Variants in MED26 observed in about 807,000 individuals in gnomAD.
The protein encoded by MED26 is mediator complex subunit 26.
In MED26, 7 loss-of-function variants were observed where a neutral mutation model predicts 43.7. The ratio of observed to expected loss-of-function variants is 0.16; its 90% CI spans 0.09 to 0.30. The LOEUF is 0.30. MED26 is among the 10% of genes least tolerant of loss of function. The pLI is 1.00. For synonymous variants in MED26, 375 were observed against 371.1 expected (o/e 1.01, Z -0.12); for missense variants, 784 against 840.6 (o/e 0.93, Z 0.83).
At chr19:16,599,623 T>G (rs971689127) in intron 1 of MED26, among the ~76,000 whole-genome samples, 2 of 152,158 alleles carry the variant, frequency 1.3e-5, no homozygotes, top group Non-Finnish European at 2.9e-5. Flanking sequence ...ATTCCGGCCC[T>G]CTGACTCCTG....
intron 1 of MED26, among the ~76,000 whole-genome samples, chr19:16,609,148 C>T (rs988934354): frequency 2.0e-5 from 3 of 151,740 alleles, no homozygotes; most frequent in Non-Finnish European, 4.4e-5. Flanking sequence ...AACCCTGTCT[C>T]TACTAAAAAT....
intron 1 of MED26, among the ~76,000 whole-genome samples, chr19:16,597,791 C>T (rs1051107924): frequency 1.3e-5 from 2 of 152,168 alleles, no homozygotes; most frequent in South Asian, 2.1e-4. Context: ...CATGTGATCT[C>T]AGCTCACCGC....
chr19:16,613,117 C>T (rs2086207268), intron 1 of MED26, among the ~76,000 whole-genome samples: 1 of 152,102 alleles, frequency 6.6e-6, no homozygotes, highest in African/African-American at 2.4e-5. Flanking sequence ...GTATTAATAG[C>T]ACTGATAAAT....
At chr19:16,622,182 A>C (rs2086254708) in intron 1 of MED26, among the ~76,000 whole-genome samples, 3 of 152,240 alleles carry the variant, frequency 2.0e-5, no homozygotes, top group Admixed American at 1.3e-4. Context: ...CTGTTTTCAA[A>C]TAAGGCACGG....
At chr19:16,581,010 T>G (rs1407612139) in intron 1 of MED26, among the ~76,000 whole-genome samples, 1 of 152,198 alleles carries the variant, frequency 6.6e-6, no homozygotes, top group African/African-American at 2.4e-5. Flanking sequence ...TTAATTCTGC[T>G]GGCCTCATGG....
intron 1 of MED26, among the ~76,000 whole-genome samples, chr19:16,620,955 A>G (rs1436095383): frequency 2.6e-5 from 4 of 152,240 alleles, no homozygotes; most frequent in Non-Finnish European, 5.9e-5. Context: ...GATAAAAATG[A>G]ACCCTCATAC....
chr19:16,589,587 G>A (rs1239605803), intron 1 of MED26, among the ~76,000 whole-genome samples: 2 of 152,158 alleles, frequency 1.3e-5, no homozygotes, highest in African/African-American at 4.8e-5. Flanking sequence ...GATGGTGAGA[G>A]CAGTCAGGGT....
intron 1 of MED26, 87 bp downstream of exon 1, chr19:16,627,785 C>T (rs1277143916): frequency 9.9e-7 from 1 of 1,008,610 alleles, no homozygotes; most frequent in Admixed American, 3.6e-5. Flanking sequence ...ACGGGTCCCC[C>T]GAAGCCCGGT....
chr19:16,625,657 G>A (rs1367271870), intron 1 of MED26, among the ~76,000 whole-genome samples: 1 of 152,058 alleles, frequency 6.6e-6, no homozygotes, highest in East Asian at 1.9e-4. Flanking sequence ...ACCTGTGCTG[G>A]AGCCACCTGC....
rs1024810939 is a variant in MED26, at chr19:16,575,110, G to C, written c.*917C>G. The C allele has an allele frequency of 1.3e-5, 2 of 152,546 alleles. No individual in the cohort carries two copies. Among genetic ancestry groups the C allele is most frequent in the Non-Finnish European group, 2.9e-5 (2 of 68,014 alleles). The allele number at this position is 152,546 out of a possible 1,614,324, so 9.4% of individuals were successfully genotyped here. On this transcript the variant is annotated 3_prime_UTR_variant, in exon 3 of 3. Transcript: ENST00000263390. ...TAAGGCAAACGAATCTAAAGGAATG[G>C]TTATGAGTGTTTCCAGCGTACAGAC... is the stretch of plus-strand genomic sequence containing the variant.
In MED26 at chr19:16,627,963, G is replaced by T; in HGVS notation, c.-20C>A. ...TGTCATTGCCTGGGCGAGGCGGGGG[G>T]TTGCGGCCGGGCCAGCGGGCGGGCG... On this transcript the variant is annotated 5_prime_UTR_variant, in exon 1 of 3. Coordinates refer to ENST00000263390, the MANE Select transcript of MED26 (RefSeq NM_004831.5). The T allele has an allele frequency of 2.1e-6, 3 of 1,434,736 alleles. No individual in the cohort carries two copies. Among genetic ancestry groups the T allele is most frequent in the East Asian group, 6.1e-5 (2 of 33,056 alleles). 88.9% of individuals were successfully genotyped at this position (1,434,736 alleles called of 1,614,324 possible). A position where few individuals can be genotyped will look rare whatever the true frequency, so the allele number is the denominator to read the frequency against.
chr19:16,624,953 C>T (rs1160344617), intron 1 of MED26, among the ~76,000 whole-genome samples: 2 of 152,158 alleles, frequency 1.3e-5, no homozygotes, highest in South Asian at 2.1e-4. Context: ...CTCCACAGAA[C>T]GAGTGTCCCA....
intron 1 of MED26, among the ~76,000 whole-genome samples, chr19:16,596,751 C>A (rs775690842): frequency 2.6e-5 from 4 of 152,188 alleles, no homozygotes; most frequent in Non-Finnish European, 5.9e-5. Flanking sequence ...AACGGGGTGA[C>A]AGGACCTGGG....
intron 1 of MED26, among the ~76,000 whole-genome samples, chr19:16,620,649 G>A (rs1037831943): frequency 2.6e-5 from 4 of 152,210 alleles, no homozygotes; most frequent in African/African-American, 9.7e-5. Context: ...TTAAAATGAT[G>A]AATGGTTCCT....
At position 16,575,737 on chromosome 19, in the gene MED26, G is replaced by A. The variant is rs1483865389; in HGVS notation, c.*290C>T. 2 of 399,616 alleles carry A rather than the reference G, an allele frequency of 5.0e-6. No individual in the cohort carries two copies. Among genetic ancestry groups the A allele is most frequent in the South Asian group, 7.0e-5 (2 of 28,486 alleles). The allele number at this position is 399,616 out of a possible 1,614,324, so 24.8% of individuals were successfully genotyped here. ...ACCTCTTTGGGGGTGAGGGACTAAC[G>A]CTTTTTATAGCTGGTTTGCTATAGA... On this transcript the variant is annotated 3_prime_UTR_variant, in exon 3 of 3. Coordinates refer to ENST00000263390, the MANE Select transcript of MED26 (RefSeq NM_004831.5).
intron 1 of MED26, among the ~76,000 whole-genome samples, chr19:16,616,408 C>A (rs2086226433): frequency 6.6e-6 from 1 of 152,186 alleles, no homozygotes; most frequent in Non-Finnish European, 1.5e-5. Flanking sequence ...GAGACTCTAT[C>A]CAGCCAGCAA....
rs576940707 is a variant in MED26, at chr19:16,586,093, T to C, written c.73-7684A>G. ...ACCCCGCCTGAGATCCCCAGCCTCTTGGGAATGCAGCTGTGGTAGCAAAGG... is the reference window on the plus strand; with the variant it reads ...ACCCCGCCTGAGATCCCCAGCCTCTCGGGAATGCAGCTGTGGTAGCAAAGG... On this transcript the variant is annotated intron_variant, in intron 1 of 2. Coordinates refer to ENST00000263390, the MANE Select transcript of MED26 (RefSeq NM_004831.5). The surrounding 1 kb of genome is among the most constrained non-coding windows in gnomAD (Gnocchi z 5.1). Among the ~76,000 whole-genome samples the C allele has an allele frequency of 2.6e-5, 4 of 152,152 alleles. No individual in the cohort carries two copies. Among genetic ancestry groups the C allele is most frequent in the African/African-American group, 9.7e-5 (4 of 41,436 alleles).
chr19:16,597,832 C>T (rs2086128918), intron 1 of MED26, among the ~76,000 whole-genome samples: 1 of 152,166 alleles, frequency 6.6e-6, no homozygotes. Flanking sequence ...AAGCCATCTT[C>T]CCACCTCAGC....
At chr19:16,621,564 C>T (rs560513803) in intron 1 of MED26, among the ~76,000 whole-genome samples, 74 of 152,268 alleles carry the variant, frequency 4.9e-4, no homozygotes, top group Non-Finnish European at 8.1e-4. Context: ...CCTGGCAATC[C>T]TTGGGATGTG....
Sources: gnomAD v4.1 joint callset for allele counts (sites outside exome capture counted in the v4.1 genomes callset) on GRCh38, gnomAD v4.1.1 for gene constraint, Gnocchi (gnomAD v3.1) non-coding constraint, MANE v1.5 for transcripts, NCBI Gene and HGNC (gene_info 2026-07-23, HGNC 2026-07-21) for gene names.